The following VPS37A variants were observed in gnomAD, a reference collection of about 807,000 sequenced individuals.
VPS37A encodes VPS37A subunit of ESCRT-I.
Under a neutral mutation model 49.8 loss-of-function variants are expected in VPS37A, and 30 were observed. The observed-to-expected ratio is 0.60, with a 90% CI of 0.45 to 0.82. The LOEUF is 0.82. Ranked by LOEUF, VPS37A falls within the 40% of genes least tolerant of loss-of-function variation. The probability of loss-of-function intolerance (pLI) is 0.00; values close to 1 mark genes in which losing one functional copy is unlikely to be tolerated. For synonymous variants in VPS37A, 195 were observed against 160.6 expected (o/e 1.21, Z -1.62); for missense variants, 593 against 464.4 (o/e 1.28, Z -2.55).
the VPS37A span, among the ~76,000 whole-genome samples, chr8:17,323,006 G>A: frequency 1.4e-5 from 2 of 144,254 alleles, no homozygotes; most frequent in Non-Finnish European, 3.0e-5. Flanking sequence ...GGAGTGCAGT[G>A]GTGTGATCTC....
downstream of VPS37A, chr8:17,300,370 T>G (rs888312341): frequency 1.1e-6 from 1 of 871,464 alleles, no homozygotes; most frequent in African/African-American, 1.7e-5. Context: ...AAACCTGGAC[T>G]TCACGACCTT....
chr8:17,315,454 C>T, the VPS37A span, among the ~76,000 whole-genome samples: 6 of 152,050 alleles, frequency 3.9e-5, no homozygotes, highest in African/African-American at 7.2e-5. Flanking sequence ...AAGAGGGAAC[C>T]GTACAGTGGA....
chr8:17,261,784 T>C (rs1812984702), intron 1 of VPS37A, among the ~76,000 whole-genome samples: 1 of 152,220 alleles, frequency 6.6e-6, no homozygotes, highest in Non-Finnish European at 1.5e-5. Context: ...GGCAAACGGT[T>C]CCTGCCCATG....
the VPS37A span, chr8:17,309,127 A>G: frequency 9.9e-6 from 6 of 605,226 alleles, no homozygotes; most frequent in South Asian, 4.1e-5. Context: ...TCATTTATCT[A>G]TGATATGACA....
downstream of VPS37A, chr8:17,305,847 T>C: frequency 6.2e-7 from 1 of 1,613,566 alleles, no homozygotes; most frequent in Non-Finnish European, 8.5e-7. Context: ...CAAAAACCTC[T>C]CATTGAACTC....
the VPS37A span, chr8:17,331,050 C>A: frequency 4.3e-5 from 60 of 1,380,566 alleles, no homozygotes; most frequent in Admixed American, 4.0e-4. Flanking sequence ...CAAATTATCA[C>A]ACCTATGTAA....
In VPS37A at chr8:17,268,386, A is replaced by G; in HGVS notation, c.315+14A>G. The stretch of plus-strand genomic sequence containing the variant: ...TTAGTAAACAATGTATGTATATGGG[A>G]TAATTTATTTCAGGGTAATATAATA... On this transcript the variant is annotated intron_variant, in intron 3 of 11. Coordinates refer to ENST00000324849, the MANE Select transcript of VPS37A (RefSeq NM_152415.3). 1 of 1,541,792 alleles carries G rather than the reference A, an allele frequency of 6.5e-7. No individual in the cohort carries two copies. The highest frequency in any genetic ancestry group is 2.2e-5 in the East Asian group (1 of 44,450).
At chr8:17,260,372 T>C (rs1365081362) in intron 1 of VPS37A, among the ~76,000 whole-genome samples, 1 of 152,186 alleles carries the variant, frequency 6.6e-6, no homozygotes, top group African/African-American at 2.4e-5. Context: ...ATTTTGACTT[T>C]TAATTGTCTC....
intron 4 of VPS37A, among the ~76,000 whole-genome samples, chr8:17,273,058 G>C (rs949322661): frequency 7.1e-6 from 1 of 140,186 alleles, no homozygotes; most frequent in Non-Finnish European, 1.5e-5. Context: ...TGGTGGAGGG[G>C]GTCACTAAAT....
At chr8:17,289,776 C>A (rs144585811) in intron 11 of VPS37A, among the ~76,000 whole-genome samples, 1,640 of 152,308 alleles carry the variant, frequency 0.011, 17 homozygotes, top group Non-Finnish European at 0.017. Context: ...AGCATAGAAT[C>A]TATAAATTAC....
At chr8:17,307,791 A>G in the VPS37A span, among the ~76,000 whole-genome samples, 1 of 152,138 alleles carries the variant, frequency 6.6e-6, no homozygotes, top group Admixed American at 6.5e-5. Flanking sequence ...CAAGGACAAA[A>G]AAACCAAACA....
In VPS37A at chr8:17,289,552, G is replaced by T. The variant is rs182119793; in HGVS notation, c.*3125G>T. Among the ~76,000 whole-genome samples, 389 of 152,154 alleles carry T rather than the reference G, an allele frequency of 2.6e-3. 2 individuals carry two copies. Among genetic ancestry groups the T allele is most frequent in the African/African-American group, 8.9e-3 (371 of 41,494 alleles). ...TCTGAGGCCTCTGTTCTGTTCCATTGGTCTGTATGTCTGTTTTGGTACCAG... is the reference window on the plus strand; with the variant it reads ...TCTGAGGCCTCTGTTCTGTTCCATTTGTCTGTATGTCTGTTTTGGTACCAG... On this transcript the variant is annotated intron_variant, in intron 11 of 11. Transcript: ENST00000324849.
intron 4 of VPS37A, 111 bp downstream of exon 4, chr8:17,269,067 C>A: frequency 4.2e-6 from 3 of 716,834 alleles, no homozygotes; most frequent in Non-Finnish European, 4.4e-6. Flanking sequence ...ATTTCTACAT[C>A]CCCACAAATA....
the VPS37A span, among the ~76,000 whole-genome samples, chr8:17,323,373 A>C: frequency 6.6e-6 from 1 of 152,154 alleles, no homozygotes; most frequent in Non-Finnish European, 1.5e-5. Flanking sequence ...AAAATAGAGA[A>C]TAATTAAAAG....
chr8:17,315,091 A>G, the VPS37A span, among the ~76,000 whole-genome samples: 3 of 152,362 alleles, frequency 2.0e-5, no homozygotes, highest in East Asian at 1.9e-4. Context: ...TTAATCATTA[A>G]AAGTTATACA....
downstream of VPS37A, chr8:17,304,345 A>G (rs754865751): frequency 1.3e-6 from 2 of 1,598,540 alleles, no homozygotes; most frequent in Non-Finnish European, 8.6e-7. Flanking sequence ...CCAAGTTCAT[A>G]CCATGGCTAC....
chr8:17,280,450 C>G lies in VPS37A; in HGVS notation c.969+7C>G, dbSNP rs1563276533. ...GCAGCATGAACTTAGTGAGGTAAGA[C>G]TGTTTATTTTTTTCCCTTTGCCATA... On this transcript the variant is annotated splice_region_variant and intron_variant, in intron 9 of 11. Coordinates refer to ENST00000324849, the MANE Select transcript of VPS37A (RefSeq NM_152415.3). 1.3e-6 allele frequency: 2 copies of G among 1,586,370 alleles called. No homozygotes were observed. Among genetic ancestry groups the G allele is most frequent in the Admixed American group, 3.8e-5 (2 of 52,058 alleles).
rs1165697231 is a variant in VPS37A, at chr8:17,297,297, T to TAAAC, written c.*2313_*2316dup. 2.6e-5 allele frequency: 4 copies of TAAAC among 152,058 alleles called. No individual in the cohort carries two copies. Among genetic ancestry groups the TAAAC allele is most frequent in the East Asian group, 1.9e-4 (1 of 5,192 alleles). The allele number at this position is 152,058 out of a possible 1,614,324, so 9.4% of individuals were successfully genotyped here. A position where few individuals can be genotyped will look rare whatever the true frequency, so the allele number is the denominator to read the frequency against. ...ATCAATCAATCAGTGAGATATAAAC[T>TAAAC]AAACAGACCCACTTCAAAGTTGAAA... is the stretch of plus-strand genomic sequence containing the variant. On this transcript the variant is annotated 3_prime_UTR_variant, in exon 12 of 12. Transcript: ENST00000324849.
the VPS37A span, among the ~76,000 whole-genome samples, chr8:17,333,225 T>G: frequency 6.6e-6 from 1 of 152,054 alleles, no homozygotes; most frequent in East Asian, 1.9e-4. Context: ...GAATAAAGAG[T>G]TTGGCCTTAA....
Sources: gnomAD v4.1 joint callset for allele counts (sites outside exome capture counted in the v4.1 genomes callset) on GRCh38, gnomAD v4.1.1 for gene constraint, MANE v1.5 for transcripts, NCBI Gene and HGNC (gene_info 2026-07-23, HGNC 2026-07-21) for gene names.